ARFGAP1: variants seen among roughly 807,000 people sequenced by gnomAD.
The protein encoded by ARFGAP1 is ARF GTPase activating protein 1.
ARFGAP1 carries 26 observed loss-of-function variants against 54.0 expected under a neutral mutation model. The ratio of observed to expected loss-of-function variants is 0.48; its 90% CI spans 0.35 to 0.67. ARFGAP1 has a LOEUF of 0.67. Ranked by LOEUF, ARFGAP1 falls within the 30% of genes least tolerant of loss-of-function variation. The pLI is 0.00. For missense variants in ARFGAP1, 525 were observed against 535.8 expected (o/e 0.98, Z 0.20); for synonymous variants, 248 against 211.9 (o/e 1.17, Z -1.48).
intron 9 of ARFGAP1, chr20:63,284,101 T>TC (rs1344596341): frequency 1.5e-6 from 2 of 1,315,482 alleles, no homozygotes; most frequent in Non-Finnish European, 1.9e-6. Flanking sequence ...ACCACTGCGC[T>TC]CCCCCCGGGC....
chr20:63,279,126 C>G (rs2067312389), intron 7 of ARFGAP1, 131 bp downstream of exon 7: 10 of 923,388 alleles, frequency 1.1e-5, no homozygotes, highest in Non-Finnish European at 1.7e-5. Flanking sequence ...GGACCCCTCC[C>G]TTACCTTCAG....
rs893875891 is a variant in ARFGAP1, at chr20:63,288,174, C to T, written c.*301C>T. ...GCTTGCTGGGAGGTGGGCTGCAGCA[C>T]AGAGGCCTGTGACTGCGTTCCAGCG... On this transcript the variant is annotated 3_prime_UTR_variant, in exon 13 of 13. Transcript: ENST00000370283. The T allele has an allele frequency of 3.4e-6, 2 of 588,116 alleles. No homozygotes were observed. The highest frequency in any genetic ancestry group is 6.3e-6 in the Non-Finnish European group (2 of 316,670). The allele number at this position is 588,116 out of a possible 1,614,324, so 36.4% of individuals were successfully genotyped here. A position where few individuals can be genotyped will look rare whatever the true frequency, so the allele number is the denominator to read the frequency against.
At chr20:63,279,612 G>A (rs1004540115) in intron 7 of ARFGAP1, among the ~76,000 whole-genome samples, 1 of 152,216 alleles carries the variant, frequency 6.6e-6, no homozygotes, top group Admixed American at 6.5e-5. Flanking sequence ...GTTCTCTGCA[G>A]AGGGGAGTGC....
At position 63,284,742 on chromosome 20, in the gene ARFGAP1, T is replaced by C. The variant is rs116434029; in HGVS notation, c.718-124T>C. ...CCCCGTTTCCTGCTCCCTGCGCTTG[T>C]ATCCTGCTGCCTTCCCTCCTGCTGG... On this transcript the variant is annotated intron_variant, in intron 9 of 12. Transcript: ENST00000370283. The C allele has an allele frequency of 1.4e-3, 2,205 of 1,523,524 alleles. 30 individuals are homozygous for C. The African/African-American group carries it at 0.027, about 19-fold the overall frequency. The allele number at this position is 1,523,524 out of a possible 1,614,324, so 94.4% of individuals were successfully genotyped here. A position where few individuals can be genotyped will look rare whatever the true frequency, so the allele number is the denominator to read the frequency against.
rs951273094 is a variant in ARFGAP1, at chr20:63,288,443, C to T, written c.*570C>T. On this transcript the variant is annotated 3_prime_UTR_variant, in exon 13 of 13. Transcript: ENST00000370283. ...GCCTGGGCCTGTGCTGTCAGACCCG[C>T]GTCGGTCGTAACCCTCTGTGGCTCC... The T allele has an allele frequency of 7.2e-5, 33 of 456,006 alleles. No homozygotes were observed. Among genetic ancestry groups the T allele is most frequent in the Non-Finnish European group, 7.5e-5 (17 of 226,830 alleles). The allele number at this position is 456,006 out of a possible 1,614,324, so 28.2% of individuals were successfully genotyped here.
At chr20:63,286,666 C>G (rs1038807579) in intron 12 of ARFGAP1, 1 of 513,690 alleles carries the variant, frequency 1.9e-6, no homozygotes, top group African/African-American at 2.0e-5. Context: ...GGAGGCTTTC[C>G]GAGTGCTCTG....
intron 9 of ARFGAP1, chr20:63,284,028 T>G (rs1360476052): frequency 6.8e-6 from 10 of 1,463,774 alleles, no homozygotes; most frequent in Non-Finnish European, 9.1e-6. Flanking sequence ...GGTCCGTGGC[T>G]CTCCTTTAAG....
At chr20:63,281,910 G>T (rs573907026) in intron 8 of ARFGAP1, among the ~76,000 whole-genome samples, 6 of 152,144 alleles carry the variant, frequency 3.9e-5, no homozygotes, top group Non-Finnish European at 7.4e-5. Context: ...AGGGCAGCGC[G>T]GGGCAGCTGG....
intron 6 of ARFGAP1, 100 bp from the exon 7 acceptor site, chr20:63,278,799 C>A (rs1388960300): frequency 3.6e-6 from 4 of 1,102,302 alleles, no homozygotes; most frequent in Middle Eastern, 2.0e-4. Context: ...GTTGGCACGT[C>A]CCCCAGAGCC....
In ARFGAP1 at chr20:63,289,404, G is replaced by A. The variant is rs890093290; in HGVS notation, c.*1531G>A. The A allele has an allele frequency of 6.6e-6, 1 of 152,306 alleles. No individual in the cohort carries two copies. The highest frequency in any genetic ancestry group is 1.5e-5 in the Non-Finnish European group (1 of 68,106). 9.4% of individuals were successfully genotyped at this position (152,306 alleles called of 1,614,324 possible). On this transcript the variant is annotated 3_prime_UTR_variant, in exon 13 of 13. Coordinates refer to ENST00000370283, the MANE Select transcript of ARFGAP1 (RefSeq NM_018209.4). ...GACCCTGGTGGGCTGAGTGCTCCGA[G>A]GAGGGGTGGACTCCACCTTGGACAG... is the stretch of plus-strand genomic sequence containing the variant.
At chr20:63,283,721 G>A in intron 9 of ARFGAP1, 3 of 983,368 alleles carry the variant, frequency 3.1e-6, no homozygotes, top group Non-Finnish European at 4.6e-6. Flanking sequence ...CCAGGGTTGT[G>A]TTGCTGAGAG....
At chr20:63,279,198 C>A in intron 7 of ARFGAP1, 1 of 653,954 alleles carries the variant, frequency 1.5e-6, no homozygotes, top group Non-Finnish European at 2.7e-6. Context: ...TCAATCACTT[C>A]CTTTTTTTTT....
Position 63,275,446 on chromosome 20 carries a change from G to A in ARFGAP1, c.-4-131G>A, listed in dbSNP as rs911495502. 6.1e-6 allele frequency: 5 copies of A among 825,654 alleles called. No homozygotes were observed. In the African/African-American group the frequency reaches 6.8e-5, roughly 11 times the overall value. 51.1% of individuals were successfully genotyped at this position (825,654 alleles called of 1,614,324 possible). A position where few individuals can be genotyped will look rare whatever the true frequency, so the allele number is the denominator to read the frequency against. On this transcript the variant is annotated intron_variant, in intron 1 of 12. Coordinates refer to ENST00000370283, the MANE Select transcript of ARFGAP1 (RefSeq NM_018209.4). Reference sequence around the variant, plus strand: ...CCCTGCTGCGAGTGGTCCTGTGACCGGGGCTTCCAAGCAGCTCAACAGATT... The same window carrying A: ...CCCTGCTGCGAGTGGTCCTGTGACCAGGGCTTCCAAGCAGCTCAACAGATT...
intron 9 of ARFGAP1, chr20:63,284,101 T>G: frequency 7.6e-7 from 1 of 1,315,482 alleles, no homozygotes; most frequent in Non-Finnish European, 9.7e-7. Context: ...ACCACTGCGC[T>G]CCCCCCGGGC....
chr20:63,286,035 G>T (rs550316497), intron 11 of ARFGAP1: 21 of 1,547,166 alleles, frequency 1.4e-5, no homozygotes, highest in Non-Finnish European at 1.7e-5. Flanking sequence ...CATTTGGGGC[G>T]TGCATTTTGT....
At position 63,276,255 on chromosome 20, in the gene ARFGAP1, G is replaced by C. The variant is rs2067235603; in HGVS notation, c.170+55G>C. The C allele has an allele frequency of 6.3e-7, 1 of 1,586,934 alleles. No homozygotes were observed. Among genetic ancestry groups the C allele is most frequent in the African/African-American group, 1.3e-5 (1 of 74,502 alleles). ...AGAGCCTGCGGCCACCCCAGCATCT[G>C]TTCCTGACACCAGAGGTGCTGACGC... On this transcript the variant is annotated intron_variant, in intron 3 of 12. Coordinates refer to ENST00000370283, the MANE Select transcript of ARFGAP1 (RefSeq NM_018209.4). The surrounding 1 kb of genome is among the most constrained non-coding windows in gnomAD (Gnocchi z 5.2).
intron 9 of ARFGAP1, 153 bp from the exon 10 acceptor site, chr20:63,284,713 A>G (rs2067479367): frequency 4.1e-6 from 6 of 1,475,470 alleles, no homozygotes; most frequent in Non-Finnish European, 5.4e-6. Flanking sequence ...TGTTGTGTGC[A>G]AAGCCCCGTT....
Position 63,288,171 on chromosome 20 carries a change from G to C in ARFGAP1, c.*298G>C. 1.7e-6 allele frequency: 1 copy of C among 589,478 alleles called. No homozygotes were observed. Among genetic ancestry groups the C allele is most frequent in the Non-Finnish European group, 3.1e-6 (1 of 317,722 alleles). 36.5% of individuals were successfully genotyped at this position (589,478 alleles called of 1,614,324 possible). A position where few individuals can be genotyped will look rare whatever the true frequency, so the allele number is the denominator to read the frequency against. On this transcript the variant is annotated 3_prime_UTR_variant, in exon 13 of 13. Transcript: ENST00000370283. Reference sequence around the variant, plus strand: ...GTGGCTTGCTGGGAGGTGGGCTGCAGCACAGAGGCCTGTGACTGCGTTCCA... The same window carrying C: ...GTGGCTTGCTGGGAGGTGGGCTGCACCACAGAGGCCTGTGACTGCGTTCCA...
At chr20:63,286,318 C>T (rs2067543366) in intron 11 of ARFGAP1, 48 bp from the exon 12 acceptor site, 1 of 1,606,154 alleles carries the variant, frequency 6.2e-7, no homozygotes, top group South Asian at 1.1e-5. Context: ...CTGAAGCTGC[C>T]TGTGCCGCGA....
Sources: allele counts gnomAD v4.1 joint callset (sites outside exome capture counted in the v4.1 genomes callset), GRCh38; gene constraint gnomAD v4.1.1; non-coding constraint Gnocchi (gnomAD v3.1); transcripts MANE v1.5; gene names NCBI Gene and HGNC (gene_info 2026-07-23, HGNC 2026-07-21).